Variants in ARNT2 observed in about 807,000 individuals in gnomAD.
ARNT2 encodes ARNT protein 2.
In ARNT2, 36 loss-of-function variants were observed where a neutral mutation model predicts 91.7. That is an observed-to-expected ratio of 0.39 (90% CI 0.30 to 0.52). ARNT2 has a LOEUF of 0.52. Among genes scored for constraint, ARNT2 ranks in the 20% least tolerant of loss-of-function variants. The probability of loss-of-function intolerance (pLI) is 0.72; values close to 1 mark genes in which losing one functional copy is unlikely to be tolerated. For missense variants in ARNT2, 775 were observed against 939.3 expected, an observed-to-expected ratio of 0.83 and a Z score of 2.29; for synonymous variants, 365 against 347.1, an observed-to-expected ratio of 1.05 and a Z score of -0.57.
chr15:80,560,325 A>G (rs1898311310), intron 11 of ARNT2, among the ~76,000 whole-genome samples: 1 of 152,224 alleles, frequency 6.6e-6, no homozygotes, highest in African/African-American at 2.4e-5. Context: ...GCTTAGGATC[A>G]TAAGGCTTTA....
chr15:80,493,288 G>A (rs994504113), intron 5 of ARNT2, among the ~76,000 whole-genome samples: 31 of 150,248 alleles, frequency 2.1e-4, no homozygotes, highest in Admixed American at 1.4e-3. Context: ...CAACACTCTT[G>A]CATTGGGGAT....
At chr15:80,452,397 C>G (rs1896408916) in intron 2 of ARNT2, among the ~76,000 whole-genome samples, 1 of 152,176 alleles carries the variant, frequency 6.6e-6, no homozygotes, top group Non-Finnish European at 1.5e-5. Flanking sequence ...CACAGATCAA[C>G]TCTGTAATAA....
chr15:80,435,370 C>T (rs1896071117), intron 1 of ARNT2, among the ~76,000 whole-genome samples: 1 of 152,174 alleles, frequency 6.6e-6, no homozygotes, highest in African/African-American at 2.4e-5. Flanking sequence ...ATAGTAACTT[C>T]CTCCTGAGAA....
At chr15:80,407,300 A>G (rs1164229693) in intron 1 of ARNT2, among the ~76,000 whole-genome samples, 2 of 152,114 alleles carry the variant, frequency 1.3e-5, no homozygotes, top group Admixed American at 6.5e-5. Flanking sequence ...CTCTTCTGTG[A>G]TGTGTAGTGG....
At chr15:80,405,165 C>T (rs1895581317) in intron 1 of ARNT2, among the ~76,000 whole-genome samples, 1 of 152,240 alleles carries the variant, frequency 6.6e-6, no homozygotes, top group African/African-American at 2.4e-5. Flanking sequence ...CTGGTCTGAC[C>T]TGTCCCCAGG....
intron 8 of ARNT2, among the ~76,000 whole-genome samples, chr15:80,547,053 A>G (rs901767050): frequency 1.3e-5 from 2 of 152,202 alleles, no homozygotes; most frequent in Non-Finnish European, 2.9e-5. Flanking sequence ...AAGATGAGGT[A>G]TAAAACTCTG....
At chr15:80,459,191 T>G (rs1365678473) in intron 3 of ARNT2, among the ~76,000 whole-genome samples, 1 of 152,238 alleles carries the variant, frequency 6.6e-6, no homozygotes, top group African/African-American at 2.4e-5. Flanking sequence ...GTCTTTCAGC[T>G]TCTGCTTTGG....
intron 1 of ARNT2, chr15:80,441,345 G>T: frequency 1.0e-6 from 1 of 985,382 alleles, no homozygotes; most frequent in Non-Finnish European, 1.2e-6. Flanking sequence ...TTGGTCACAA[G>T]GAAGAAAGAT....
At chr15:80,562,989 G>C (rs1898395550) in intron 11 of ARNT2, 99 bp from the exon 12 acceptor site, 2 of 1,367,776 alleles carry the variant, frequency 1.5e-6, no homozygotes, top group East Asian at 4.6e-5. Context: ...CTGAGGTCCT[G>C]CTGGCCCCTG....
chr15:80,524,874 CAA>C (rs36043186), intron 8 of ARNT2, among the ~76,000 whole-genome samples: 34 of 89,254 alleles, frequency 3.8e-4, no homozygotes, highest in Admixed American at 3.7e-4. Flanking sequence ...GACTCTGTCT[CAA>C]AAAAAAAAAA....
At chr15:80,574,783 G>C (rs1898639883) in intron 13 of ARNT2, among the ~76,000 whole-genome samples, 1 of 152,120 alleles carries the variant, frequency 6.6e-6, no homozygotes, top group Non-Finnish European at 1.5e-5. Context: ...CTGACCTTCA[G>C]TTCACCGCCC....
chr15:80,464,905 A>G (rs1896629935), intron 3 of ARNT2, among the ~76,000 whole-genome samples: 1 of 151,988 alleles, frequency 6.6e-6, no homozygotes, highest in South Asian at 2.1e-4. Context: ...ACCAGGACTC[A>G]TGTGTAGACC....
At chr15:80,547,470 G>T (rs1898008155) in intron 8 of ARNT2, among the ~76,000 whole-genome samples, 2 of 152,186 alleles carry the variant, frequency 1.3e-5, no homozygotes, top group Admixed American at 6.5e-5. Context: ...CAAAGCACAG[G>T]GATTGTGTCA....
chr15:80,475,421 G>T lies in ARNT2; in HGVS notation c.622+198G>T. The T allele has an allele frequency of 1.4e-5, 7 of 489,172 alleles. No homozygotes were observed. In the South Asian group the frequency reaches 1.5e-4, roughly 10 times the overall value. 30.3% of individuals were successfully genotyped at this position (489,172 alleles called of 1,614,324 possible). On this transcript the variant is annotated intron_variant, in intron 5 of 18. Transcript: ENST00000303329. ...TACAAAAACAAAAAATTTGCCAGGC[G>T]TGGTGGTGGGCGCCTGTGGTCCCAG...
chr15:80,555,884 G>C lies in ARNT2; in HGVS notation c.1164+745G>C, dbSNP rs572605562. 4 of 152,414 alleles carry C rather than the reference G, an allele frequency of 2.6e-5. No individual in the cohort carries two copies. The East Asian group carries it at 7.7e-4, about 29-fold the overall frequency. 9.4% of individuals were successfully genotyped at this position (152,414 alleles called of 1,614,324 possible). On this transcript the variant is annotated intron_variant, in intron 11 of 18. Transcript: ENST00000303329. ...GGAGGCTCAGGCAGGGGAATAGCTT[G>C]AACCTGGGAGGTAGAGGTTGCAGTG...
At chr15:80,406,728 C>T (rs868700250) in intron 1 of ARNT2, among the ~76,000 whole-genome samples, 8 of 152,294 alleles carry the variant, frequency 5.3e-5, no homozygotes, top group African/African-American at 1.9e-4. Context: ...AACACCTGGC[C>T]AGCTTGACAG....
intron 17 of ARNT2, among the ~76,000 whole-genome samples, chr15:80,590,495 T>C (rs577035182): frequency 1.1e-3 from 169 of 152,302 alleles, no homozygotes; most frequent in African/African-American, 4.0e-3. Context: ...CCCAGCACTT[T>C]GGGAGGCCAG....
At chr15:80,468,024 A>G (rs1368163189) in intron 3 of ARNT2, among the ~76,000 whole-genome samples, 3 of 151,946 alleles carry the variant, frequency 2.0e-5, no homozygotes, top group Non-Finnish European at 4.4e-5. Flanking sequence ...CCCCGCCCCA[A>G]CCCATTCTTC....
intron 5 of ARNT2, among the ~76,000 whole-genome samples, chr15:80,484,812 A>T (rs1044460848): frequency 6.6e-6 from 1 of 151,990 alleles, no homozygotes; most frequent in Non-Finnish European, 1.5e-5. Flanking sequence ...GGTGGTGGGG[A>T]TGGGGGGCGG....
Sources: allele counts gnomAD v4.1 joint callset (sites outside exome capture counted in the v4.1 genomes callset), GRCh38; gene constraint gnomAD v4.1.1; transcripts MANE v1.5; gene names NCBI Gene and HGNC (gene_info 2026-07-23, HGNC 2026-07-21).